GC: variants seen among roughly 807,000 people sequenced by gnomAD.
GC encodes the protein vitamin D-binding protein.
A neutral mutation model predicts 56.7 loss-of-function variants in GC; 43 were observed. The ratio of observed to expected loss-of-function variants is 0.76; its 90% CI spans 0.59 to 0.98. The LOEUF (loss-of-function observed/expected upper bound fraction) is 0.98. Among genes scored for constraint, GC ranks in the 50% least tolerant of loss-of-function variants. The pLI is 0.00. For synonymous variants in GC, 216 were observed against 202.7 expected (o/e 1.07, Z -0.56); for missense variants, 529 against 545.9 (o/e 0.97, Z 0.31).
intron 1 of GC, among the ~76,000 whole-genome samples, chr4:71,779,772 T>G (rs962116018): frequency 1.3e-5 from 2 of 151,836 alleles, no homozygotes; most frequent in African/African-American, 4.8e-5. Context: ...ATCAGTAAGA[T>G]GAAACATTGC....
intron 6 of GC, among the ~76,000 whole-genome samples, chr4:71,761,864 T>C (rs987008411): frequency 3.9e-5 from 6 of 152,188 alleles, no homozygotes; most frequent in Non-Finnish European, 8.8e-5. Flanking sequence ...TTTCAGAGGA[T>C]GTATGGAAAC....
chr4:71,790,536 T>C (rs1007452107), intron 1 of GC, among the ~76,000 whole-genome samples: 2 of 151,914 alleles, frequency 1.3e-5, no homozygotes, highest in Non-Finnish European at 2.9e-5. Context: ...TTTTCATATG[T>C]TTGCTTTCTA....
intron 1 of GC, among the ~76,000 whole-genome samples, chr4:71,777,139 G>T (rs1419467578): frequency 6.6e-6 from 1 of 151,608 alleles, no homozygotes; most frequent in Non-Finnish European, 1.5e-5. Flanking sequence ...TATGGTGCTT[G>T]TCTGCTATAG....
At chr4:71,767,608 G>GAT (rs201548231) in intron 3 of GC, among the ~76,000 whole-genome samples, 25,385 of 145,890 alleles carry the variant, frequency 0.17, 2,230 homozygotes, top group East Asian at 0.24. Context: ...TTCATGAGCT[G>GAT]ATATATATAT....
chr4:71,776,084 A>G (rs1010460291), intron 1 of GC, among the ~76,000 whole-genome samples: 1 of 152,016 alleles, frequency 6.6e-6, no homozygotes, highest in African/African-American at 2.4e-5. Context: ...ATTATGGAAA[A>G]CAGTATGGAT....
intron 4 of GC, among the ~76,000 whole-genome samples, chr4:71,764,180 C>T (rs1254890347): frequency 6.6e-6 from 1 of 152,002 alleles, no homozygotes; most frequent in Admixed American, 6.6e-5. Context: ...TTAGGTCTCA[C>T]TAATTGTCCC....
intron 1 of GC, 28 bp from the exon 2 acceptor site, chr4:71,769,428 A>T: frequency 6.9e-7 from 1 of 1,448,800 alleles, no homozygotes; most frequent in Non-Finnish European, 9.7e-7. Context: ...AAAAATTTGT[A>T]TGTGTCCCCT....
intron 1 of GC, among the ~76,000 whole-genome samples, chr4:71,776,071 G>A (rs1035386987): frequency 5.3e-5 from 8 of 152,072 alleles, no homozygotes; most frequent in South Asian, 2.1e-4. Context: ...CATTAGTACA[G>A]CCATTATGGA....
intron 1 of GC, among the ~76,000 whole-genome samples, chr4:71,778,087 C>T (rs1742567108): frequency 6.6e-6 from 1 of 151,672 alleles, no homozygotes; most frequent in South Asian, 2.1e-4. Context: ...GCTGCATCAG[C>T]AGATATGAAT....
Position 71,756,907 on chromosome 4 carries a change from TC to T in GC, c.838del (p.Glu280AsnfsTer4). The T allele has an allele frequency of 6.2e-7, 1 of 1,607,710 alleles. No homozygotes were observed. Among genetic ancestry groups the T allele is most frequent in the Non-Finnish European group, 8.5e-7 (1 of 1,174,154 alleles). On this transcript the variant is annotated frameshift_variant, in exon 8 of 13. Coordinates refer to ENST00000273951, the MANE Select transcript of GC (RefSeq NM_000583.4). LOFTEE classifies it high-confidence loss of function. ...ATTGTCACAGAGTTTTACTGTGTGT[TC>T]AGGCAGCTACAAAACGAATGGTTAG... ...SEDCMAKELP[E>X]HTVKLCDNLS...
chr4:71,751,743 G>C (rs1389090722), intron 11 of GC, among the ~76,000 whole-genome samples: 1 of 151,998 alleles, frequency 6.6e-6, no homozygotes, highest in Non-Finnish European at 1.5e-5. Context: ...AAATTGAGGG[G>C]AGTAGGGAGG....
intron 3 of GC, 129 bp downstream of exon 3, chr4:71,768,172 G>T: frequency 1.4e-5 from 9 of 665,288 alleles, no homozygotes; most frequent in Non-Finnish European, 2.2e-5. Context: ...AACACAACAG[G>T]CTTCATATTT....
chr4:71,743,695 C>T (rs1741259223), intron 12 of GC, among the ~76,000 whole-genome samples: 1 of 152,148 alleles, frequency 6.6e-6, no homozygotes, highest in South Asian at 2.1e-4. Flanking sequence ...TACCTCAGAC[C>T]TATAACTTTG....
At chr4:71,769,578 AT>A in intron 1 of GC, 178 bp from the exon 2 acceptor site, 1 of 547,590 alleles carries the variant, frequency 1.8e-6, no homozygotes. Flanking sequence ...ACAGGCCACA[AT>A]TTTATGACAT....
chr4:71,759,590 C>G (rs1054817727), intron 6 of GC: 1 of 152,118 alleles, frequency 6.6e-6, no homozygotes, highest in African/African-American at 2.4e-5. Context: ...CAAGATTGGG[C>G]GTGTTCAGAG....
At chr4:71,780,857 C>T (rs1285069840) in intron 1 of GC, among the ~76,000 whole-genome samples, 2 of 152,096 alleles carry the variant, frequency 1.3e-5, no homozygotes, top group African/African-American at 4.8e-5. Context: ...ACTGGAAATA[C>T]CATTTGACTC....
intron 1 of GC, among the ~76,000 whole-genome samples, chr4:71,802,477 A>T (rs1743275334): frequency 2.0e-5 from 3 of 152,204 alleles, no homozygotes; most frequent in Non-Finnish European, 4.4e-5. Flanking sequence ...GGGAATTTTT[A>T]AAAATTAACG....
upstream of GC, among the ~76,000 whole-genome samples, chr4:71,786,798 C>T (rs1027578102): frequency 6.6e-6 from 1 of 151,996 alleles, no homozygotes; most frequent in East Asian, 1.9e-4. Context: ...CGACAGTCTT[C>T]TAAAAACTCT....
At chr4:71,804,354 T>C (rs1018842895), upstream of GC, among the ~76,000 whole-genome samples, 1 of 152,162 alleles carries the variant, frequency 6.6e-6, no homozygotes, top group African/African-American at 2.4e-5. Context: ...GCATTATTTT[T>C]CCCCCTTTTG....
Sources: allele counts gnomAD v4.1 joint callset (sites outside exome capture counted in the v4.1 genomes callset), GRCh38; gene constraint gnomAD v4.1.1; transcripts MANE v1.5; gene names NCBI Gene and HGNC (gene_info 2026-07-23, HGNC 2026-07-21).